Variants in NCKAP5 observed in about 807,000 individuals in gnomAD.
NCKAP5 encodes NCK associated protein 5.
In NCKAP5, 92 loss-of-function variants were observed where a neutral mutation model predicts 167.0. The observed-to-expected ratio is 0.55, with a 90% CI of 0.47 to 0.66. NCKAP5 has a LOEUF of 0.66. Among genes scored for constraint, NCKAP5 ranks in the 30% least tolerant of loss-of-function variants. The pLI, the probability that NCKAP5 is intolerant of heterozygous loss-of-function variation, is 0.00. For synonymous variants in NCKAP5, 891 were observed against 877.4 expected, an observed-to-expected ratio of 1.02 and a Z score of -0.27; for missense variants, 2,378 against 2,315.0, an observed-to-expected ratio of 1.03 and a Z score of -0.56.
intron 7 of NCKAP5, among the ~76,000 whole-genome samples, chr2:132,976,663 A>G (rs187093610): frequency 1.3e-3 from 198 of 152,074 alleles, no homozygotes; most frequent in African/African-American, 4.5e-3. Context: ...TCTCACCACA[A>G]GAAATGATAA....
At chr2:133,064,009 AGTT>A (rs1302404080) in intron 6 of NCKAP5, among the ~76,000 whole-genome samples, 1 of 152,170 alleles carries the variant, frequency 6.6e-6, no homozygotes, top group Non-Finnish European at 1.5e-5. Context: ...GTTTCTTAGC[AGTT>A]GTTGCCACAC....
intron 3 of NCKAP5, among the ~76,000 whole-genome samples, chr2:133,321,294 A>T (rs1682035439): frequency 6.6e-6 from 1 of 152,128 alleles, no homozygotes; most frequent in South Asian, 2.1e-4. Flanking sequence ...CTAGCACTTT[A>T]CCTAGGTTAG....
At chr2:132,932,857 T>C (rs894692246) in intron 8 of NCKAP5, among the ~76,000 whole-genome samples, 2 of 151,908 alleles carry the variant, frequency 1.3e-5, no homozygotes, top group Non-Finnish European at 2.9e-5. Context: ...GAAAAGAAGA[T>C]TAAAGGTAAA....
intron 3 of NCKAP5, among the ~76,000 whole-genome samples, chr2:133,432,232 A>C (rs1213494133): frequency 6.6e-6 from 1 of 152,206 alleles, no homozygotes; most frequent in Non-Finnish European, 1.5e-5. Flanking sequence ...ACTTAGCATC[A>C]TTATAGTTTC....
rs141404654 is a variant in NCKAP5 at position 133,513,551 on chromosome 2, G to A, written c.69+3907C>T. The stretch of plus-strand genomic sequence containing the variant: ...ACCATCCAGCACATCCCCATAGCTG[G>A]TTTTCAATAGTGCTTGTTGACTGAT... On this transcript the variant is annotated intron_variant, in intron 3 of 19. Transcript: ENST00000409261. Among the ~76,000 whole-genome samples the A allele has an allele frequency of 2.1e-3, 317 of 152,308 alleles. 3 individuals carry two copies. The highest frequency in any genetic ancestry group is 1.6e-3 in the Non-Finnish European group (109 of 68,024).
chr2:132,833,174 G>GA (rs1687639795), intron 11 of NCKAP5, among the ~76,000 whole-genome samples: 1 of 151,996 alleles, frequency 6.6e-6, no homozygotes, highest in Admixed American at 6.5e-5. Context: ...GCCCTCTTTT[G>GA]AAAAATGTCT....
chr2:133,177,154 G>T (rs2084497953), intron 5 of NCKAP5, among the ~76,000 whole-genome samples: 1 of 79,070 alleles, frequency 1.3e-5, no homozygotes, highest in South Asian at 4.8e-4. Context: ...GACACAGGAG[G>T]TTTTGTTTTC....
chr2:133,131,779 T>G (rs1280298722), intron 5 of NCKAP5, among the ~76,000 whole-genome samples: 1 of 152,202 alleles, frequency 6.6e-6, no homozygotes, highest in Non-Finnish European at 1.5e-5. Context: ...TAAAGTTAAC[T>G]CTTTACAAAA....
In NCKAP5 at chr2:132,672,893, G is replaced by T; in HGVS notation, c.*396C>A. 1 of 914,506 alleles carries T rather than the reference G, an allele frequency of 1.1e-6. No individual in the cohort carries two copies. The highest frequency in any genetic ancestry group is 1.3e-6 in the Non-Finnish European group (1 of 763,624). The allele number at this position is 914,506 out of a possible 1,614,324, so 56.6% of individuals were successfully genotyped here. A position where few individuals can be genotyped will look rare whatever the true frequency, so the allele number is the denominator to read the frequency against. ...AATAAGCTCTGGTGGGTTGCCTGCTGTGAATTTGACAAGGAAGGCTCTGGT... is the reference window on the plus strand; with the variant it reads ...AATAAGCTCTGGTGGGTTGCCTGCTTTGAATTTGACAAGGAAGGCTCTGGT... On this transcript the variant is annotated 3_prime_UTR_variant, in exon 20 of 20. Coordinates refer to ENST00000409261, the MANE Select transcript of NCKAP5 (RefSeq NM_207363.3).
intron 6 of NCKAP5, among the ~76,000 whole-genome samples, chr2:133,094,468 C>T (rs889096310): frequency 2.0e-5 from 3 of 152,138 alleles, no homozygotes; most frequent in Admixed American, 6.5e-5. Context: ...CTACTCTCCC[C>T]GGAAACAACT....
chr2:133,567,149 G>A (rs749723395), intron 1 of NCKAP5, among the ~76,000 whole-genome samples: 6 of 152,218 alleles, frequency 3.9e-5, no homozygotes, highest in Admixed American at 1.3e-4. Context: ...TTGCCAATCC[G>A]TGCAGCGGGC....
chr2:133,010,295 G>A lies in NCKAP5; in HGVS notation c.342-16056C>T, dbSNP rs749981406. Among the ~76,000 whole-genome samples the A allele has an allele frequency of 1.2e-4, 18 of 152,220 alleles. 3 individuals are homozygous for A. The highest frequency in any genetic ancestry group is 4.6e-4 in the Admixed American group (7 of 15,294). On this transcript the variant is annotated intron_variant, in intron 6 of 19. Transcript: ENST00000409261. ...GTCTCTCTCTACTGAAAGTAAGAGCGCTTCATTTTAGTTTGGTATACATGC... is the reference window on the plus strand; with the variant it reads ...GTCTCTCTCTACTGAAAGTAAGAGCACTTCATTTTAGTTTGGTATACATGC...
At chr2:133,160,433 C>CTTTTTTTTTTTTTT (rs869057265) in intron 5 of NCKAP5, among the ~76,000 whole-genome samples, 3 of 100,862 alleles carry the variant, frequency 3.0e-5, no homozygotes, top group African/African-American at 9.1e-5. Context: ...CTTTTCCTTT[C>CTTTTTTTTTTTTTT]TTTTTCTTTT....
At chr2:133,604,413 C>T in the NCKAP5 span, among the ~76,000 whole-genome samples, 3 of 151,904 alleles carry the variant, frequency 2.0e-5, no homozygotes, top group South Asian at 6.3e-4. Flanking sequence ...ACCATGTTGG[C>T]CAGGCTGGTC....
chr2:133,543,871 G>A (rs1686433173), intron 2 of NCKAP5, among the ~76,000 whole-genome samples: 1 of 152,220 alleles, frequency 6.6e-6, no homozygotes. Flanking sequence ...ACAAGCAAGT[G>A]GTAGGTGTTT....
At chr2:132,733,434 A>G (rs528099918) in intron 16 of NCKAP5, among the ~76,000 whole-genome samples, 4 of 152,134 alleles carry the variant, frequency 2.6e-5, no homozygotes, top group Non-Finnish European at 5.9e-5. Flanking sequence ...ATCTCCGCCT[A>G]TGACTAATTG....
intron 3 of NCKAP5, among the ~76,000 whole-genome samples, chr2:133,334,720 C>T (rs897314741): frequency 1.3e-5 from 2 of 152,150 alleles, no homozygotes; most frequent in East Asian, 3.9e-4. Context: ...GGCTGCTGCC[C>T]GTTTTAACGG....
intron 3 of NCKAP5, among the ~76,000 whole-genome samples, chr2:133,506,306 G>A (rs1377754596): frequency 1.3e-5 from 2 of 152,216 alleles, no homozygotes; most frequent in African/African-American, 4.8e-5. Flanking sequence ...TATTAAAAAT[G>A]GGCTAGTGTT....
chr2:133,234,842 A>C (rs2087322762), intron 4 of NCKAP5, among the ~76,000 whole-genome samples: 1 of 151,586 alleles, frequency 6.6e-6, no homozygotes, highest in African/African-American at 2.4e-5. Flanking sequence ...ACAAAGAAAA[A>C]ATACATTTAG....
Sources: allele counts gnomAD v4.1 joint callset (sites outside exome capture counted in the v4.1 genomes callset), GRCh38; gene constraint gnomAD v4.1.1; transcripts MANE v1.5; gene names NCBI Gene and HGNC (gene_info 2026-07-23, HGNC 2026-07-21).